The following BMPR1B variants were observed in gnomAD, a reference collection of about 807,000 sequenced individuals.
BMPR1B encodes the protein bone morphogenetic protein receptor type 1B.
In BMPR1B, 12 loss-of-function variants were observed where a neutral mutation model predicts 59.1. The observed-to-expected ratio is 0.20, with a 90% CI of 0.13 to 0.33. The LOEUF (loss-of-function observed/expected upper bound fraction) is 0.33. BMPR1B is among the 10% of genes least tolerant of loss of function. BMPR1B has a pLI of 1.00. For synonymous variants in BMPR1B, 237 were observed against 207.3 expected (o/e 1.14, Z -1.23); for missense variants, 550 against 610.9 (o/e 0.90, Z 1.05).
chr4:94,771,505 A>G (rs747799508), intron 1 of BMPR1B, among the ~76,000 whole-genome samples: 1 of 152,192 alleles, frequency 6.6e-6, no homozygotes, highest in Non-Finnish European at 1.5e-5. Context: ...GCACAGAGAA[A>G]GGTTGATAAT....
intron 2 of BMPR1B, among the ~76,000 whole-genome samples, chr4:94,947,847 C>T (rs1729778150): frequency 6.6e-6 from 1 of 152,250 alleles, no homozygotes; most frequent in East Asian, 1.9e-4. Flanking sequence ...CCACCTCTGG[C>T]TGTTCATGGC....
At chr4:95,037,752 A>G (rs1475563566) in intron 3 of BMPR1B, among the ~76,000 whole-genome samples, 1 of 152,200 alleles carries the variant, frequency 6.6e-6, no homozygotes, top group African/African-American at 2.4e-5. Flanking sequence ...GTATGAGAAT[A>G]ATTGATGACA....
intron 4 of BMPR1B, among the ~76,000 whole-genome samples, chr4:95,106,925 C>T (rs956522892): frequency 1.7e-4 from 26 of 150,726 alleles, no homozygotes; most frequent in African/African-American, 6.4e-4. Context: ...CACATTTCTT[C>T]ATTTTTTTTT....
At chr4:94,869,107 C>CAA (rs1284546547) in intron 1 of BMPR1B, among the ~76,000 whole-genome samples, 1 of 73,844 alleles carries the variant, frequency 1.4e-5, no homozygotes, top group African/African-American at 5.0e-5. Flanking sequence ...CACACACACA[C>CAA]ACACACACAC....
At chr4:95,128,044 C>G (rs112820251) in intron 8 of BMPR1B, among the ~76,000 whole-genome samples, 1 of 151,946 alleles carries the variant, frequency 6.6e-6, no homozygotes, top group Non-Finnish European at 1.5e-5. Context: ...TGCTACCACA[C>G]CTGGCTAATT....
At chr4:94,819,825 T>TG (rs1353851812) in intron 1 of BMPR1B, among the ~76,000 whole-genome samples, 8 of 152,214 alleles carry the variant, frequency 5.3e-5, no homozygotes, top group African/African-American at 1.9e-4. Context: ...TGAACACAGT[T>TG]GGTAGTACCT....
At chr4:95,039,771 T>A (rs894841869) in intron 3 of BMPR1B, among the ~76,000 whole-genome samples, 19 of 152,028 alleles carry the variant, frequency 1.2e-4, no homozygotes, top group Admixed American at 1.0e-3. Flanking sequence ...TTTTTGCAAT[T>A]TTTTTTAGCT....
rs1031544073 is a variant in BMPR1B at position 95,032,882 on chromosome 4, A to T, written c.-18+36748A>T. Among the ~76,000 whole-genome samples, 5 of 152,082 alleles carry T rather than the reference A, an allele frequency of 3.3e-5. No individual in the cohort carries two copies. In the South Asian group the frequency reaches 6.2e-4, roughly 19 times the overall value. Reference sequence around the variant, plus strand: ...CTTTGAGACACAGCTTTCAAGTCTTAATTTTTGAGAAACTGCCATACTATT... The same window carrying T: ...CTTTGAGACACAGCTTTCAAGTCTTTATTTTTGAGAAACTGCCATACTATT... On this transcript the variant is annotated intron_variant, in intron 3 of 12. Coordinates refer to ENST00000515059, the MANE Select transcript of BMPR1B (RefSeq NM_001203.3).
chr4:95,017,035 A>C lies in BMPR1B; in HGVS notation c.-18+20901A>C, dbSNP rs901850953. ...CAGTTTCTTTTTCCATAGGGAAAAC[A>C]TTCACTTTGTTTTTCCTTCTATGAG... On this transcript the variant is annotated intron_variant, in intron 3 of 12. Transcript: ENST00000515059. Among the ~76,000 whole-genome samples, 3 of 152,182 alleles carry C rather than the reference A, an allele frequency of 2.0e-5. No homozygotes were observed. In the East Asian group the frequency reaches 5.8e-4, roughly 29 times the overall value.
At chr4:95,049,075 G>A (rs1054548293) in intron 3 of BMPR1B, among the ~76,000 whole-genome samples, 3 of 152,128 alleles carry the variant, frequency 2.0e-5, no homozygotes, top group African/African-American at 7.2e-5. Context: ...CCCTCACCTA[G>A]TTGGAAGGTG....
intron 1 of BMPR1B, among the ~76,000 whole-genome samples, chr4:94,840,528 G>C (rs1214925351): frequency 6.9e-6 from 1 of 145,966 alleles, no homozygotes; most frequent in African/African-American, 2.6e-5. Flanking sequence ...TTCCATTGCT[G>C]ATACCCTTTC....
At chr4:94,953,206 CTT>C (rs1269096522) in intron 2 of BMPR1B, among the ~76,000 whole-genome samples, 1 of 152,092 alleles carries the variant, frequency 6.6e-6, no homozygotes, top group South Asian at 2.1e-4. Context: ...GGTCTTGACT[CTT>C]TATCCAATTT....
intron 5 of BMPR1B, among the ~76,000 whole-genome samples, chr4:95,115,260 G>T (rs992516466): frequency 2.0e-5 from 3 of 152,140 alleles, no homozygotes; most frequent in African/African-American, 7.2e-5. Flanking sequence ...CTGTCTTTAA[G>T]TGACACATGA....
At chr4:94,902,086 T>TGTGTGGGG (rs1411154828) in intron 2 of BMPR1B, among the ~76,000 whole-genome samples, 11 of 111,912 alleles carry the variant, frequency 9.8e-5, no homozygotes, top group Non-Finnish European at 1.9e-4. Context: ...TGTGTGTGTG[T>TGTGTGGGG]GGGGTGTATT....
intron 1 of BMPR1B, among the ~76,000 whole-genome samples, chr4:94,861,268 C>A (rs1285804916): frequency 6.6e-6 from 1 of 152,176 alleles, no homozygotes; most frequent in Non-Finnish European, 1.5e-5. Flanking sequence ...ATATCACTTG[C>A]TTACCTCTCA....
At chr4:94,807,765 A>T (rs918942403) in intron 1 of BMPR1B, among the ~76,000 whole-genome samples, 1 of 152,058 alleles carries the variant, frequency 6.6e-6, no homozygotes. Flanking sequence ...GCTCACTGCA[A>T]CCTCTTCCTC....
intron 3 of BMPR1B, among the ~76,000 whole-genome samples, chr4:95,054,467 AT>A (rs1726770646): frequency 6.6e-6 from 1 of 152,162 alleles, no homozygotes; most frequent in Non-Finnish European, 1.5e-5. Flanking sequence ...TCAGAAACAT[AT>A]TTTTAAATCT....
At chr4:94,990,874 T>TG (rs1172397853) in intron 2 of BMPR1B, among the ~76,000 whole-genome samples, 7 of 152,336 alleles carry the variant, frequency 4.6e-5, no homozygotes, top group African/African-American at 1.4e-4. Context: ...GTGGCCGAAC[T>TG]TTTTGAAAGA....
At chr4:94,909,533 T>C (rs1728194533) in intron 2 of BMPR1B, among the ~76,000 whole-genome samples, 1 of 152,050 alleles carries the variant, frequency 6.6e-6, no homozygotes. Context: ...TCCAAATATG[T>C]AAAGTGCATA....
Sources: gnomAD v4.1 joint callset for allele counts (sites outside exome capture counted in the v4.1 genomes callset) on GRCh38, gnomAD v4.1.1 for gene constraint, MANE v1.5 for transcripts, NCBI Gene and HGNC (gene_info 2026-07-23, HGNC 2026-07-21) for gene names.